The following DIAPH2 variants were observed in gnomAD, a reference collection of about 807,000 sequenced individuals.
DIAPH2 encodes diaphanous related formin 2.
Under a neutral mutation model 92.7 loss-of-function variants are expected in DIAPH2, and 35 were observed. The ratio of observed to expected loss-of-function variants is 0.38; its 90% CI spans 0.29 to 0.50. DIAPH2 has a LOEUF of 0.50. Ranked by LOEUF, DIAPH2 falls within the 20% of genes least tolerant of loss-of-function variation. DIAPH2 has a pLI of 0.94. For missense variants in DIAPH2, 701 were observed against 819.5 expected, an observed-to-expected ratio of 0.86 and a Z score of 1.77; for synonymous variants, 301 against 280.4, an observed-to-expected ratio of 1.07 and a Z score of -0.73.
At chrX:97,309,104 A>AT (rs199522213) in intron 23 of DIAPH2, among the ~76,000 whole-genome samples, 76 of 105,540 alleles carry the variant, frequency 7.2e-4, no homozygotes, top group Non-Finnish European at 1.2e-3. Context: ...AATTTTATTT[A>AT]TTTATTTTTT....
intron 1 of DIAPH2, among the ~76,000 whole-genome samples, chrX:96,699,625 T>G (rs746742812): frequency 9.8e-5 from 11 of 112,260 alleles, no homozygotes; most frequent in Admixed American, 2.8e-4. Context: ...ATATTTAGTG[T>G]GAAAAACTTT....
At chrX:96,885,015 C>A in intron 5 of DIAPH2, 1 of 1,210,892 alleles carries the variant, frequency 8.3e-7, no homozygotes, top group Non-Finnish European at 1.1e-6. Context: ...TCAAGGCCAT[C>A]AAGGAAGCGA....
At chrX:97,348,008 G>A in intron 23 of DIAPH2, 108 bp from the exon 24 acceptor site, 1 of 742,902 alleles carries the variant, frequency 1.3e-6, no homozygotes. Flanking sequence ...AAGTATTTGT[G>A]CATTACTAAT....
chrX:96,752,116 A>T (rs2064198360), intron 3 of DIAPH2, among the ~76,000 whole-genome samples: 1 of 112,011 alleles, frequency 8.9e-6, no homozygotes, highest in Non-Finnish European at 1.9e-5. Context: ...TAGAGTTAAT[A>T]TTGAATTATG....
chrX:96,751,455 A>C (rs926268569), intron 3 of DIAPH2, among the ~76,000 whole-genome samples: 2 of 102,836 alleles, frequency 1.9e-5, no homozygotes, highest in African/African-American at 7.1e-5. Context: ...GGGCGCCTGT[A>C]GTCTCAGCTA....
intron 22 of DIAPH2, among the ~76,000 whole-genome samples, chrX:97,174,916 A>T (rs938804365): frequency 8.9e-6 from 1 of 111,890 alleles, no homozygotes; most frequent in African/African-American, 3.2e-5. Context: ...ACTTAGGACT[A>T]TATCAGTTAC....
At chrX:96,887,923 A>G (rs1301842547) in intron 5 of DIAPH2, among the ~76,000 whole-genome samples, 3 of 110,656 alleles carry the variant, frequency 2.7e-5, no homozygotes, top group Non-Finnish European at 5.7e-5. Flanking sequence ...TCTCCCAAGT[A>G]CTGTTCTAAG....
intron 1 of DIAPH2, among the ~76,000 whole-genome samples, chrX:96,726,193 T>C (rs1323853277): frequency 9.0e-6 from 1 of 110,745 alleles, no homozygotes; most frequent in Non-Finnish European, 1.9e-5. Context: ...TAAGCTTTTA[T>C]CATCTTGCAA....
intron 4 of DIAPH2, among the ~76,000 whole-genome samples, chrX:96,860,201 A>G (rs2065065022): frequency 8.9e-6 from 1 of 112,207 alleles, no homozygotes; most frequent in African/African-American, 3.2e-5. Flanking sequence ...GCTAAACTGT[A>G]TAGAATGCTG....
intron 1 of DIAPH2, 110 bp from the exon 2 acceptor site, chrX:96,735,648 A>G (rs2064082161): frequency 6.5e-6 from 3 of 458,387 alleles, no homozygotes; most frequent in African/African-American, 5.2e-5. Flanking sequence ...ATTCTTTTTG[A>G]CTGTTTACAG....
chrX:96,929,875 A>T (rs1277643876), intron 9 of DIAPH2, among the ~76,000 whole-genome samples: 1 of 110,666 alleles, frequency 9.0e-6, no homozygotes, highest in Non-Finnish European at 1.9e-5. Flanking sequence ...CAGTTACCTT[A>T]GATTTGAGCA....
chrX:97,535,620 T>G (rs1319688818), intron 26 of DIAPH2, among the ~76,000 whole-genome samples: 2 of 110,614 alleles, frequency 1.8e-5, no homozygotes, highest in African/African-American at 6.6e-5. Flanking sequence ...CCCAGCTGAT[T>G]TTTATATTTT....
At chrX:96,803,341 T>G (rs901684705) in intron 4 of DIAPH2, among the ~76,000 whole-genome samples, 1 of 112,095 alleles carries the variant, frequency 8.9e-6, no homozygotes, top group Non-Finnish European at 1.9e-5. Context: ...TTTTTAAAAT[T>G]AAAGAATGAG....
intron 23 of DIAPH2, among the ~76,000 whole-genome samples, chrX:97,275,926 C>T (rs770020208): frequency 4.4e-5 from 5 of 112,387 alleles, no homozygotes; most frequent in African/African-American, 1.6e-4. Flanking sequence ...CCAAGGCAGG[C>T]GGCTGGGAGG....
At chrX:97,157,553 C>T (rs1293306109) in intron 22 of DIAPH2, among the ~76,000 whole-genome samples, 3 of 107,454 alleles carry the variant, frequency 2.8e-5, no homozygotes, top group Admixed American at 2.0e-4. Flanking sequence ...AGCGTTGTAC[C>T]TACGGTAGAT....
At chrX:97,220,939 C>A (rs1343882890) in intron 22 of DIAPH2, among the ~76,000 whole-genome samples, 1 of 111,091 alleles carries the variant, frequency 9.0e-6, no homozygotes, top group East Asian at 2.8e-4. Flanking sequence ...TATTAACAAC[C>A]CTGATAATAA....
At chrX:97,259,001 CCT>C (rs2068267558) in intron 23 of DIAPH2, among the ~76,000 whole-genome samples, 1 of 111,366 alleles carries the variant, frequency 9.0e-6, no homozygotes, top group Non-Finnish European at 1.9e-5. Context: ...AGACAGAAAA[CCT>C]CTACTGATAT....
chrX:97,515,564 T>G (rs1210164826), intron 26 of DIAPH2, among the ~76,000 whole-genome samples: 1 of 111,869 alleles, frequency 8.9e-6, no homozygotes, highest in African/African-American at 3.2e-5. Context: ...TATGCTTAGG[T>G]TTGATGAAGA....
chrX:97,073,977 G>C (rs2066686838), intron 18 of DIAPH2, among the ~76,000 whole-genome samples: 1 of 111,873 alleles, frequency 8.9e-6, no homozygotes, highest in Non-Finnish European at 1.9e-5. Flanking sequence ...TATTCTTTTA[G>C]ATTGTGGAGA....
Sources: allele counts gnomAD v4.1 joint callset (sites outside exome capture counted in the v4.1 genomes callset), GRCh38; gene constraint gnomAD v4.1.1; transcripts MANE v1.5; gene names NCBI Gene and HGNC (gene_info 2026-07-23, HGNC 2026-07-21).